Variants in ARL3 observed in about 807,000 individuals in gnomAD.
ARL3 encodes the protein ADP-ribosylation factor-like protein 3.
Under a neutral mutation model 26.0 loss-of-function variants are expected in ARL3, and 9 were observed. The observed-to-expected ratio is 0.35, with a 90% CI of 0.21 to 0.60. The LOEUF (loss-of-function observed/expected upper bound fraction) is 0.60. Among genes scored for constraint, ARL3 ranks in the 20% least tolerant of loss-of-function variants. The pLI, the probability that ARL3 is intolerant of heterozygous loss-of-function variation, is 0.78. For synonymous variants in ARL3, 71 were observed against 78.4 expected, an observed-to-expected ratio of 0.91 and a Z score of 0.50; for missense variants, 158 against 215.7, an observed-to-expected ratio of 0.73 and a Z score of 1.67.
intron 2 of ARL3, among the ~76,000 whole-genome samples, chr10:102,705,005 T>C (rs895560829): frequency 2.0e-5 from 3 of 152,150 alleles, no homozygotes; most frequent in Non-Finnish European, 4.4e-5. Context: ...TACAGTTCCA[T>C]GGCATTAAAT....
chr10:102,708,170 AT>A (rs56182107), intron 1 of ARL3, among the ~76,000 whole-genome samples: 150,618 of 150,952 alleles, frequency 1, 75,142 homozygotes, highest in East Asian at 1. Context: ...CAAAGGCAAG[AT>A]TTTTTTTTTT....
intron 4 of ARL3, among the ~76,000 whole-genome samples, chr10:102,687,706 T>C (rs1373859138): frequency 6.6e-6 from 1 of 151,756 alleles, no homozygotes; most frequent in Non-Finnish European, 1.5e-5. Context: ...AAATTTTTTT[T>C]TGTAGAGACA....
intron 2 of ARL3, 44 bp from the exon 3 acceptor site, chr10:102,699,533 T>A: frequency 8.5e-7 from 1 of 1,178,006 alleles, no homozygotes; most frequent in East Asian, 2.4e-5. Flanking sequence ...AACTTTGGGA[T>A]CATAATTCTG....
At chr10:102,688,503 T>TC (rs1261741517) in intron 4 of ARL3, among the ~76,000 whole-genome samples, 1 of 148,856 alleles carries the variant, frequency 6.7e-6, no homozygotes, top group African/African-American at 2.5e-5. Context: ...AAAAAACTTT[T>TC]TTTTTTTTTT....
intron 1 of ARL3, 33 bp from the exon 2 acceptor site, chr10:102,705,522 G>C: frequency 1.3e-6 from 2 of 1,516,910 alleles, no homozygotes; most frequent in Non-Finnish European, 1.8e-6. Context: ...AGATTACTCT[G>C]GGGGCACTGA....
chr10:102,710,631 G>C (rs975884282), intron 1 of ARL3, among the ~76,000 whole-genome samples: 1 of 152,230 alleles, frequency 6.6e-6, no homozygotes, highest in East Asian at 1.9e-4. Context: ...TGAGCAAAAC[G>C]GGCATGATCT....
At chr10:102,707,137 A>G (rs548925222) in intron 1 of ARL3, among the ~76,000 whole-genome samples, 4 of 152,224 alleles carry the variant, frequency 2.6e-5, no homozygotes, top group African/African-American at 9.6e-5. Flanking sequence ...CCTACAAAAA[A>G]TAAAAAACAA....
At chr10:102,688,749 C>G (rs1426566675) in intron 4 of ARL3, among the ~76,000 whole-genome samples, 1 of 152,108 alleles carries the variant, frequency 6.6e-6, no homozygotes, top group Non-Finnish European at 1.5e-5. Context: ...GTGATCTGCC[C>G]ACCTCAGCCT....
chr10:102,699,614 G>A, intron 2 of ARL3, 125 bp from the exon 3 acceptor site: 1 of 600,186 alleles, frequency 1.7e-6, no homozygotes, highest in South Asian at 2.1e-5. Flanking sequence ...TACTGGTAAT[G>A]CTGAAAATGA....
At chr10:102,679,558 G>A (rs1272265248) in intron 5 of ARL3, among the ~76,000 whole-genome samples, 1 of 152,190 alleles carries the variant, frequency 6.6e-6, no homozygotes, top group African/African-American at 2.4e-5. Flanking sequence ...GTGGGTACCT[G>A]CCGGGTGAAG....
chr10:102,684,833 G>C (rs982001066), intron 5 of ARL3, among the ~76,000 whole-genome samples: 2 of 151,472 alleles, frequency 1.3e-5, no homozygotes, highest in African/African-American at 4.8e-5. Context: ...GTAGAGACGG[G>C]GGTTTCACCA....
chr10:102,694,191 G>A (rs1358012445), intron 3 of ARL3, among the ~76,000 whole-genome samples: 6 of 150,584 alleles, frequency 4.0e-5, no homozygotes, highest in African/African-American at 1.2e-4. Flanking sequence ...GGGTTTCACC[G>A]TGTTAGCCAG....
intron 2 of ARL3, among the ~76,000 whole-genome samples, chr10:102,701,677 A>C (rs2064280132): frequency 6.6e-6 from 1 of 152,180 alleles, no homozygotes; most frequent in Admixed American, 6.6e-5. Flanking sequence ...AAAATAAATA[A>C]CAGTAAATCT....
At chr10:102,685,452 G>A (rs1303182308) in intron 5 of ARL3, among the ~76,000 whole-genome samples, 1 of 152,068 alleles carries the variant, frequency 6.6e-6, no homozygotes, top group Non-Finnish European at 1.5e-5. Context: ...GTACGTGTAT[G>A]GTTATTGGTG....
Position 102,676,908 on chromosome 10 carries a change from C to G in ARL3, c.535G>C (p.Ala179Pro), listed in dbSNP as rs376548476. 2 of 1,614,078 alleles carry G rather than the reference C, an allele frequency of 1.2e-6. No individual in the cohort carries two copies. The highest frequency in any genetic ancestry group is 2.7e-5 in the African/African-American group (2 of 74,954). Residue 179 changes from alanine (A) to proline (P), a missense_variant, in exon 6 of 6, where the codon GCA becomes CCA. Coordinates refer to ENST00000260746, the MANE Select transcript of ARL3 (RefSeq NM_004311.4). ...GMNWVCKNVN[A>P]KKK ...TCGTCTAGATTTTATTTCTTCTTTG[C>G]ATTGACATTTTTGCAGACCCAGTTC...
intron 2 of ARL3, 28 bp downstream of exon 2, chr10:102,705,318 C>T (rs781675536): frequency 1.5e-5 from 23 of 1,529,380 alleles, no homozygotes; most frequent in South Asian, 3.7e-5. Context: ...CTGTGTCACA[C>T]GGCATCTGGA....
chr10:102,709,646 C>CA (rs10555496), intron 1 of ARL3, among the ~76,000 whole-genome samples: 1 of 85,214 alleles, frequency 1.2e-5, no homozygotes, highest in African/African-American at 4.8e-5. Context: ...GACTCTGTCT[C>CA]AAAAAAAAAA....
chr10:102,714,296 C>A lies in ARL3; in HGVS notation c.-21G>T. ...ACCATCCTCCCGCCGAGTCCCTCCT[C>A]CTCCTCCTCCTCCTGCTGCCTCCCC... On this transcript the variant is annotated 5_prime_UTR_variant, in exon 1 of 6. Transcript: ENST00000260746. 7.6e-7 allele frequency: 1 copy of A among 1,310,332 alleles called. No individual in the cohort carries two copies. 81.2% of individuals were successfully genotyped at this position (1,310,332 alleles called of 1,614,324 possible). A position where few individuals can be genotyped will look rare whatever the true frequency, so the allele number is the denominator to read the frequency against.
chr10:102,694,689 C>G (rs2064238019), intron 3 of ARL3, among the ~76,000 whole-genome samples: 1 of 151,958 alleles, frequency 6.6e-6, no homozygotes. Context: ...TTCTGTTGAT[C>G]AATTTGTCTA....
Sources: gnomAD v4.1 joint callset for allele counts (sites outside exome capture counted in the v4.1 genomes callset) on GRCh38, gnomAD v4.1.1 for gene constraint, MANE v1.5 for transcripts, NCBI Gene and HGNC (gene_info 2026-07-23, HGNC 2026-07-21) for gene names.